The following DLEU7 variants were observed in gnomAD, a reference collection of about 807,000 sequenced individuals.
DLEU7 encodes deleted in lymphocytic leukemia 7, also known as leukemia-associated protein 7.
DLEU7 carries 17 observed loss-of-function variants against 16.0 expected under a neutral mutation model. The observed-to-expected ratio is 1.06, with a 90% CI of 0.73 to 1.59. The LOEUF is 1.59. Among genes scored for constraint, DLEU7 ranks in the 40% most tolerant of loss-of-function variants. DLEU7 has a pLI of 0.00. For missense variants in DLEU7, 308 were observed against 314.9 expected (o/e 0.98, Z 0.17); for synonymous variants, 113 against 139.8 (o/e 0.81, Z 1.35).
At chr13:50,828,919 C>G (rs1352978148) in intron 1 of DLEU7, among the ~76,000 whole-genome samples, 1 of 152,134 alleles carries the variant, frequency 6.6e-6, no homozygotes, top group Non-Finnish European at 1.5e-5. Context: ...TTAAAGCATT[C>G]TTGCTTCCCT....
chr13:50,738,794 GAGAT>G (rs1362738455), intron 1 of DLEU7, among the ~76,000 whole-genome samples: 1 of 152,082 alleles, frequency 6.6e-6, no homozygotes, highest in Non-Finnish European at 1.5e-5. Context: ...TTTCTTGAAA[GAGAT>G]AGTATCTGAG....
chr13:50,825,560 T>C (rs1566265147), intron 1 of DLEU7, among the ~76,000 whole-genome samples: 1 of 152,244 alleles, frequency 6.6e-6, no homozygotes, highest in Non-Finnish European at 1.5e-5. Flanking sequence ...AAATATTCTG[T>C]AATTTAATTA....
intron 1 of DLEU7, among the ~76,000 whole-genome samples, chr13:50,798,134 G>A (rs941494567): frequency 7.2e-5 from 11 of 152,240 alleles, no homozygotes; most frequent in Admixed American, 5.9e-4. Context: ...ACACCTTGAT[G>A]GCAGTTGTCT....
At chr13:50,814,831 G>T (rs7988670) in intron 1 of DLEU7, among the ~76,000 whole-genome samples, 7,127 of 149,506 alleles carry the variant, frequency 0.048, 569 homozygotes, top group African/African-American at 0.16. Context: ...TACCAATCCA[G>T]TTAACAGTAC....
chr13:50,840,343 C>G (rs1460905416), intron 1 of DLEU7, among the ~76,000 whole-genome samples: 2 of 152,172 alleles, frequency 1.3e-5, no homozygotes, highest in Non-Finnish European at 2.9e-5. Context: ...ATGCCATCTC[C>G]TCAAGTCTAA....
chr13:50,818,149 C>G (rs774673061), downstream of DLEU7, among the ~76,000 whole-genome samples: 18 of 152,108 alleles, frequency 1.2e-4, no homozygotes, highest in Non-Finnish European at 2.1e-4. Flanking sequence ...ACATCCACAA[C>G]CTGTCTTTAT....
chr13:50,830,074 C>T (rs891402813), intron 1 of DLEU7, among the ~76,000 whole-genome samples: 2 of 152,144 alleles, frequency 1.3e-5, no homozygotes, highest in African/African-American at 2.4e-5. Context: ...TAATATCCTA[C>T]ACGATGCTTT....
chr13:50,788,973 C>T (rs566806884), intron 1 of DLEU7, among the ~76,000 whole-genome samples: 18 of 152,038 alleles, frequency 1.2e-4, no homozygotes, highest in Admixed American at 3.3e-4. Flanking sequence ...AGTCCGCAGC[C>T]GAGTGAAGTT....
rs1259044964 is a variant in DLEU7, at chr13:50,763,680, C to G, written c.460-50440G>C. Among the ~76,000 whole-genome samples the G allele has an allele frequency of 3.3e-5, 5 of 152,168 alleles. No homozygotes were observed. In the East Asian group the frequency reaches 7.7e-4, roughly 23 times the overall value. On this transcript the variant is annotated intron_variant, in intron 1 of 1. Transcript: ENST00000400393. ...CCACACTGCCCTTCCTGCCCTGACC[C>G]TTTTGACATGTCTTTTACCAATCCT...
intron 1 of DLEU7, among the ~76,000 whole-genome samples, chr13:50,791,859 G>C (rs1875968583): frequency 6.6e-6 from 1 of 152,074 alleles, no homozygotes. Flanking sequence ...ACATTTTCTT[G>C]GCTGCTCTTT....
chr13:50,779,427 C>T (rs1026856370), intron 1 of DLEU7, among the ~76,000 whole-genome samples: 11 of 152,178 alleles, frequency 7.2e-5, no homozygotes, highest in African/African-American at 2.7e-4. Flanking sequence ...TTGTGTGCTA[C>T]ACAGCCAGGG....
intron 1 of DLEU7, among the ~76,000 whole-genome samples, chr13:50,807,501 T>C (rs895694326): frequency 6.6e-6 from 1 of 151,656 alleles, no homozygotes; most frequent in Non-Finnish European, 1.5e-5. Flanking sequence ...TGAGGTTTTT[T>C]TGGTGTTTTT....
intron 1 of DLEU7, among the ~76,000 whole-genome samples, chr13:50,753,380 C>T (rs561315869): frequency 2.6e-5 from 4 of 152,294 alleles, no homozygotes; most frequent in South Asian, 2.1e-4. Flanking sequence ...TGGGGAGGCT[C>T]GGGCTGCACA....
At position 50,744,961 on chromosome 13, in the gene DLEU7, G is replaced by A. The variant is rs114989504; in HGVS notation, c.460-31721C>T. 4.3e-3 allele frequency among the ~76,000 whole-genome samples: 662 copies of A among 152,292 alleles called. 5 individuals are homozygous for A. The highest frequency in any genetic ancestry group is 0.015 in the African/African-American group (614 of 41,556). On this transcript the variant is annotated intron_variant, in intron 1 of 1. Transcript: ENST00000400393. ...GGAGAAGTTGGGACCCTTGTCCACT[G>A]ATGATGGAAATGTAAAATGGTGCAG...
chr13:50,732,660 T>A (rs1332441939), intron 1 of DLEU7, among the ~76,000 whole-genome samples: 1 of 148,248 alleles, frequency 6.7e-6, no homozygotes, highest in Non-Finnish European at 1.5e-5. Context: ...TATGCAAGAC[T>A]TGAAAGAATG....
intron 1 of DLEU7, among the ~76,000 whole-genome samples, chr13:50,807,372 A>T (rs1876423139): frequency 6.6e-6 from 1 of 151,996 alleles, no homozygotes; most frequent in South Asian, 2.1e-4. Flanking sequence ...AAACAAACAA[A>T]TTTTTTAAAA....
At chr13:50,733,202 A>G (rs1387732948) in intron 1 of DLEU7, among the ~76,000 whole-genome samples, 1 of 152,226 alleles carries the variant, frequency 6.6e-6, no homozygotes, top group Non-Finnish European at 1.5e-5. Context: ...GCCTCAACCC[A>G]GAGCAAATAC....
At chr13:50,807,827 G>A (rs1051182566) in intron 1 of DLEU7, 8 of 152,134 alleles carry the variant, frequency 5.3e-5, no homozygotes, top group African/African-American at 1.9e-4. Flanking sequence ...ATGATGCCTG[G>A]CTAAAGGGAC....
intron 1 of DLEU7, among the ~76,000 whole-genome samples, chr13:50,816,410 T>A (rs1465285251): frequency 6.6e-6 from 1 of 151,974 alleles, no homozygotes; most frequent in Non-Finnish European, 1.5e-5. Flanking sequence ...AAACTGAGAC[T>A]GGAAGAGAGG....
Sources: allele counts gnomAD v4.1 joint callset (sites outside exome capture counted in the v4.1 genomes callset), GRCh38; gene constraint gnomAD v4.1.1; transcripts MANE v1.5; gene names NCBI Gene and HGNC (gene_info 2026-07-23, HGNC 2026-07-21).